RALYL: variants seen among roughly 807,000 people sequenced by gnomAD.
RALYL encodes RALY RNA binding protein like.
In RALYL, 29 loss-of-function variants were observed where a neutral mutation model predicts 35.1. The observed-to-expected ratio is 0.83, with a 90% confidence interval of 0.61 to 1.13. The LOEUF (loss-of-function observed/expected upper bound fraction) is 1.13, where lower values mean the gene tolerates loss of function less well. Among genes scored for constraint, RALYL ranks in the 50% most tolerant of loss-of-function variants. The pLI is 0.00. For missense variants in RALYL, 359 were observed against 360.4 expected, an observed-to-expected ratio of 1.00 and a Z score of 0.03; for synonymous variants, 120 against 127.6, an observed-to-expected ratio of 0.94 and a Z score of 0.40.
chr8:84,717,157 A>T (rs1229893807), intron 2 of RALYL, among the ~76,000 whole-genome samples: 1 of 152,186 alleles, frequency 6.6e-6, no homozygotes, highest in African/African-American at 2.4e-5. Flanking sequence ...ATTGCACTCC[A>T]ACCTGGGCGA....
At chr8:84,692,877 A>G (rs190203386) in intron 2 of RALYL, among the ~76,000 whole-genome samples, 1 of 152,100 alleles carries the variant, frequency 6.6e-6, no homozygotes, top group East Asian at 1.9e-4. Context: ...AGACATGGTA[A>G]TGGATCCACG....
chr8:84,919,150 A>G (rs1225224965), intron 8 of RALYL, among the ~76,000 whole-genome samples: 2 of 152,068 alleles, frequency 1.3e-5, no homozygotes, highest in African/African-American at 4.8e-5. Flanking sequence ...CTTTACATAC[A>G]CAGCTGCTAC....
chr8:84,409,645 T>G (rs2043906320), intron 1 of RALYL, among the ~76,000 whole-genome samples: 1 of 152,022 alleles, frequency 6.6e-6, no homozygotes, highest in Non-Finnish European at 1.5e-5. Context: ...TAATGAAGAA[T>G]GATTGATATG....
At chr8:84,384,756 C>G (rs973108019) in intron 1 of RALYL, among the ~76,000 whole-genome samples, 5 of 151,730 alleles carry the variant, frequency 3.3e-5, no homozygotes, top group Admixed American at 6.6e-5. Context: ...ACCAGTCCGT[C>G]CTAGGTACCA....
intron 1 of RALYL, among the ~76,000 whole-genome samples, chr8:84,219,891 G>A (rs547035043): frequency 6.6e-6 from 1 of 151,296 alleles, no homozygotes; most frequent in Admixed American, 6.6e-5. Flanking sequence ...AGTTAGAAAT[G>A]AATCAATAAT....
chr8:84,613,227 G>T (rs1210967495), intron 2 of RALYL, among the ~76,000 whole-genome samples: 1 of 151,620 alleles, frequency 6.6e-6, no homozygotes, highest in Non-Finnish European at 1.5e-5. Flanking sequence ...AACTAAAAAT[G>T]AATCATTTCA....
chr8:84,789,331 C>G (rs911873748), intron 3 of RALYL, among the ~76,000 whole-genome samples: 1 of 152,260 alleles, frequency 6.6e-6, no homozygotes, highest in Non-Finnish European at 1.5e-5. Context: ...AATTACTTAG[C>G]AATTGTTAAA....
intron 1 of RALYL, among the ~76,000 whole-genome samples, chr8:84,360,792 C>T (rs1028099731): frequency 3.9e-5 from 6 of 152,080 alleles, no homozygotes; most frequent in Admixed American, 3.9e-4. Context: ...GAATTAGATT[C>T]ATTGTCATGG....
At chr8:84,489,037 A>AC (rs1391694229) in intron 1 of RALYL, among the ~76,000 whole-genome samples, 2 of 152,036 alleles carry the variant, frequency 1.3e-5, no homozygotes, top group Non-Finnish European at 2.9e-5. Context: ...ACAGATATCC[A>AC]CGTGTATTCA....
chr8:84,492,308 A>C (rs950175588), intron 1 of RALYL, among the ~76,000 whole-genome samples: 1 of 152,094 alleles, frequency 6.6e-6, no homozygotes, highest in Admixed American at 6.6e-5. Flanking sequence ...TAAGAAACCT[A>C]ATTTATGCAT....
intron 1 of RALYL, among the ~76,000 whole-genome samples, chr8:84,490,578 A>G (rs908563923): frequency 6.6e-6 from 1 of 152,050 alleles, no homozygotes; most frequent in Non-Finnish European, 1.5e-5. Context: ...TGTCTGTGGA[A>G]GGAAAGAAGG....
chr8:84,678,576 G>A (rs751869813), intron 2 of RALYL, among the ~76,000 whole-genome samples: 11 of 152,146 alleles, frequency 7.2e-5, no homozygotes, highest in South Asian at 2.1e-4. Flanking sequence ...CAAGTGTAGC[G>A]TTTTTTAATG....
chr8:84,534,253 T>C (rs2059455019), intron 2 of RALYL, among the ~76,000 whole-genome samples: 1 of 152,230 alleles, frequency 6.6e-6, no homozygotes, highest in Admixed American at 6.5e-5. Flanking sequence ...CAGAAAGTTC[T>C]TCCCTATGAA....
chr8:84,314,396 G>T (rs192431438), intron 1 of RALYL, among the ~76,000 whole-genome samples: 145 of 151,852 alleles, frequency 9.5e-4, no homozygotes, highest in African/African-American at 3.5e-3. Flanking sequence ...GAAGAGAAAA[G>T]ATAAGAAATG....
intron 3 of RALYL, among the ~76,000 whole-genome samples, chr8:84,776,282 T>G (rs1043833388): frequency 6.6e-6 from 1 of 152,190 alleles, no homozygotes; most frequent in African/African-American, 2.4e-5. Context: ...GAGGTCCTAG[T>G]CATGCCTAGT....
intron 3 of RALYL, among the ~76,000 whole-genome samples, chr8:84,803,483 A>G (rs934728963): frequency 1.3e-5 from 2 of 152,206 alleles, no homozygotes; most frequent in African/African-American, 4.8e-5. Flanking sequence ...CAATAAGGCA[A>G]TTAATGTACC....
At chr8:84,347,520 G>A (rs1586496003) in intron 1 of RALYL, among the ~76,000 whole-genome samples, 1 of 152,018 alleles carries the variant, frequency 6.6e-6, no homozygotes, top group East Asian at 2.0e-4. Context: ...CCCTCTCTAA[G>A]GTTAATATCC....
At chr8:84,905,998 A>G (rs1846428786) in intron 8 of RALYL, among the ~76,000 whole-genome samples, 1 of 152,164 alleles carries the variant, frequency 6.6e-6, no homozygotes, top group Non-Finnish European at 1.5e-5. Context: ...TCTTAGAAAC[A>G]TCCAGCAATT....
intron 1 of RALYL, among the ~76,000 whole-genome samples, chr8:84,454,337 T>C (rs1278464659): frequency 7.2e-6 from 1 of 139,332 alleles, no homozygotes; most frequent in Non-Finnish European, 1.7e-5. Context: ...AAACCTTTTT[T>C]AAAAATCTGG....
Sources: allele counts gnomAD v4.1 joint callset (sites outside exome capture counted in the v4.1 genomes callset), GRCh38; gene constraint gnomAD v4.1.1; transcripts MANE v1.5; gene names NCBI Gene and HGNC (gene_info 2026-07-23, HGNC 2026-07-21).